The following GPM6A variants were observed in gnomAD, a reference collection of about 807,000 sequenced individuals.
GPM6A encodes glycoprotein M6A.
GPM6A carries 7 observed loss-of-function variants against 32.1 expected under a neutral mutation model. The ratio of observed to expected loss-of-function variants is 0.22; its 90% CI spans 0.12 to 0.41. The LOEUF (loss-of-function observed/expected upper bound fraction) is 0.41, where lower values mean the gene tolerates loss of function less well. Ranked by LOEUF, GPM6A falls within the 10% of genes least tolerant of loss-of-function variation. The pLI, the probability that GPM6A is intolerant of heterozygous loss-of-function variation, is 1.00. For synonymous variants in GPM6A, 130 were observed against 123.4 expected (o/e 1.05, Z -0.35); for missense variants, 235 against 347.2 (o/e 0.68, Z 2.57).
At chr4:175,693,484 G>C (rs1744409230) in intron 2 of GPM6A, among the ~76,000 whole-genome samples, 1 of 151,934 alleles carries the variant, frequency 6.6e-6, no homozygotes, top group African/African-American at 2.4e-5. Flanking sequence ...CAGACTGTAA[G>C]CATTTCAGAA....
intron 1 of GPM6A, among the ~76,000 whole-genome samples, chr4:175,830,489 T>C (rs1347675637): frequency 2.0e-5 from 3 of 152,198 alleles, no homozygotes; most frequent in African/African-American, 7.2e-5. Flanking sequence ...ACATATATCA[T>C]CCCATTTAAT....
intron 1 of GPM6A, among the ~76,000 whole-genome samples, chr4:175,759,251 T>C (rs1211399227): frequency 6.6e-6 from 1 of 151,714 alleles, no homozygotes; most frequent in African/African-American, 2.4e-5. Context: ...GATGGTTTTG[T>C]GATTTTGATA....
intron 1 of GPM6A, among the ~76,000 whole-genome samples, chr4:175,789,384 T>G (rs1282674930): frequency 6.6e-6 from 1 of 152,156 alleles, no homozygotes; most frequent in African/African-American, 2.4e-5. Flanking sequence ...CCTTCATTGA[T>G]CTCACATGTT....
intron 1 of GPM6A, among the ~76,000 whole-genome samples, chr4:175,990,991 G>A (rs1421197118): frequency 2.0e-5 from 3 of 151,456 alleles, no homozygotes; most frequent in Non-Finnish European, 4.4e-5. Context: ...TTCCTCTTTA[G>A]AGAAATTTGC....
intron 1 of GPM6A, among the ~76,000 whole-genome samples, chr4:175,828,918 A>T (rs1735521032): frequency 2.6e-5 from 4 of 152,076 alleles, no homozygotes; most frequent in Non-Finnish European, 5.9e-5. Context: ...AATAGTGTTA[A>T]TCTTTTTGTT....
chr4:175,942,283 G>A (rs933003371), intron 1 of GPM6A, among the ~76,000 whole-genome samples: 12 of 151,926 alleles, frequency 7.9e-5, no homozygotes, highest in African/African-American at 2.9e-4. Flanking sequence ...TTATTCCTTT[G>A]TCAGATGGAG....
intron 1 of GPM6A, among the ~76,000 whole-genome samples, chr4:175,873,814 A>C (rs984737892): frequency 1.3e-5 from 2 of 152,216 alleles, no homozygotes; most frequent in Non-Finnish European, 2.9e-5. Flanking sequence ...CAGGAAGCTC[A>C]GTAAATAATT....
chr4:175,811,054 G>A (rs1048058382), intron 1 of GPM6A, among the ~76,000 whole-genome samples: 5 of 147,664 alleles, frequency 3.4e-5, no homozygotes, highest in African/African-American at 5.0e-5. Flanking sequence ...CCTTTATTAC[G>A]TGTGTGTGTG....
chr4:175,918,137 T>C (rs1560993331), intron 1 of GPM6A, among the ~76,000 whole-genome samples: 1 of 151,672 alleles, frequency 6.6e-6, no homozygotes, highest in Non-Finnish European at 1.5e-5. Context: ...AAACCTGAGA[T>C]TGAACATGGA....
At chr4:175,812,545 TG>T (rs1560946846), upstream of GPM6A, 2 of 1,064,086 alleles carry the variant, frequency 1.9e-6, no homozygotes, top group Middle Eastern at 4.3e-4. Context: ...CTGAGAATTT[TG>T]GGGGGAAATT....
At chr4:175,981,479 C>A (rs975892721) in intron 1 of GPM6A, among the ~76,000 whole-genome samples, 2 of 152,142 alleles carry the variant, frequency 1.3e-5, no homozygotes, top group Non-Finnish European at 2.9e-5. Flanking sequence ...GAGAGTGTCA[C>A]ATAAATTGAT....
chr4:175,896,250 C>T (rs1489636947), intron 1 of GPM6A, among the ~76,000 whole-genome samples: 2 of 152,050 alleles, frequency 1.3e-5, no homozygotes, highest in East Asian at 3.9e-4. Context: ...CATCGTTCTG[C>T]TTTGGTGACC....
intron 1 of GPM6A, among the ~76,000 whole-genome samples, chr4:175,833,520 A>T (rs1487749823): frequency 3.9e-5 from 6 of 152,188 alleles, no homozygotes; most frequent in African/African-American, 1.4e-4. Context: ...ATAACAGGTA[A>T]CTTCTTTGGA....
intron 1 of GPM6A, among the ~76,000 whole-genome samples, chr4:175,990,307 C>T (rs903225196): frequency 2.0e-5 from 3 of 152,172 alleles, no homozygotes; most frequent in South Asian, 2.1e-4. Context: ...TCCAGCTGCT[C>T]GTCAAGATAC....
intron 1 of GPM6A, among the ~76,000 whole-genome samples, chr4:175,767,890 A>G (rs925575768): frequency 6.6e-6 from 1 of 152,232 alleles, no homozygotes; most frequent in Admixed American, 6.5e-5. Context: ...CTTTATATAG[A>G]AGATGTCTTA....
intron 1 of GPM6A, among the ~76,000 whole-genome samples, chr4:175,921,693 G>A (rs1487493162): frequency 6.6e-6 from 1 of 152,180 alleles, no homozygotes; most frequent in Non-Finnish European, 1.5e-5. Flanking sequence ...AGAGTGAGAT[G>A]TATTTTACAC....
At chr4:175,814,185 C>A (rs911354582), upstream of GPM6A, among the ~76,000 whole-genome samples, 6 of 152,156 alleles carry the variant, frequency 3.9e-5, no homozygotes, top group Non-Finnish European at 8.8e-5. Context: ...ACAATAATGT[C>A]ACCTTAAATT....
In GPM6A at chr4:175,799,736, G is replaced by A. The variant is rs1411067838; in HGVS notation, c.37+12455C>T. ...AGGCCGGACTGCGGACTGCAGTGGC[G>A]CAATCTCGGCTCACTGCAAGCTCCG... On this transcript the variant is annotated intron_variant, in intron 1 of 6. Transcript: ENST00000393658. Among the ~76,000 whole-genome samples, 3 of 129,020 alleles carry A rather than the reference G, an allele frequency of 2.3e-5. No individual in the cohort carries two copies. In the East Asian group the frequency reaches 7.1e-4, roughly 31 times the overall value. The allele number at this position is 129,020 out of a possible 152,430, so 84.6% of individuals were successfully genotyped here.
At chr4:175,663,725 G>A (rs938558730) in intron 3 of GPM6A, among the ~76,000 whole-genome samples, 1 of 142,298 alleles carries the variant, frequency 7.0e-6, no homozygotes, top group Non-Finnish European at 1.5e-5. Flanking sequence ...ATGGAGTCTC[G>A]CTTTGTCGCC....
Sources: allele counts gnomAD v4.1 joint callset (sites outside exome capture counted in the v4.1 genomes callset), GRCh38; gene constraint gnomAD v4.1.1; transcripts MANE v1.5; gene names NCBI Gene and HGNC (gene_info 2026-07-23, HGNC 2026-07-21).